STPG2: variants seen among roughly 807,000 people sequenced by gnomAD.
The protein encoded by STPG2 is sperm-tail PG-rich repeat-containing protein 2.
A neutral mutation model predicts 54.2 loss-of-function variants in STPG2; 56 were observed. The ratio of observed to expected loss-of-function variants is 1.03; its 90% CI spans 0.83 to 1.29. The LOEUF (loss-of-function observed/expected upper bound fraction) is 1.29. Ranked by LOEUF, STPG2 falls within the 50% of genes most tolerant of loss-of-function variation. STPG2 has a pLI of 0.00. For missense variants in STPG2, 596 were observed against 544.9 expected (o/e 1.09, Z -0.93); for synonymous variants, 200 against 181.8 (o/e 1.10, Z -0.81).
intron 9 of STPG2, among the ~76,000 whole-genome samples, chr4:97,727,256 C>G (rs75174850): frequency 0.013 from 1,899 of 151,810 alleles, 34 homozygotes; most frequent in African/African-American, 0.044. Flanking sequence ...TCTCATGATT[C>G]CATATTAGTT....
intron 4 of STPG2, among the ~76,000 whole-genome samples, chr4:97,493,224 C>A (rs555001482): frequency 6.6e-6 from 1 of 150,904 alleles, no homozygotes; most frequent in African/African-American, 2.4e-5. Context: ...ACTGGTAAGA[C>A]CCTGAGGAAA....
At chr4:97,951,790 G>T (rs185990688) in intron 7 of STPG2, among the ~76,000 whole-genome samples, 1 of 152,076 alleles carries the variant, frequency 6.6e-6, no homozygotes, top group Non-Finnish European at 1.5e-5. Flanking sequence ...TATTTACTGG[G>T]TTGAACAACT....
chr4:98,001,079 G>A (rs1414308711), intron 5 of STPG2, among the ~76,000 whole-genome samples: 5 of 152,108 alleles, frequency 3.3e-5, no homozygotes, highest in African/African-American at 1.2e-4. Flanking sequence ...TACATCTGCT[G>A]AGTAACAATT....
chr4:97,807,280 T>C (rs1222499403), intron 9 of STPG2, among the ~76,000 whole-genome samples: 1 of 151,974 alleles, frequency 6.6e-6, no homozygotes, highest in Non-Finnish European at 1.5e-5. Context: ...AATTTGTTTA[T>C]GCATTTTTAA....
chr4:97,826,576 C>T (rs781093206), intron 9 of STPG2, among the ~76,000 whole-genome samples: 10 of 152,078 alleles, frequency 6.6e-5, no homozygotes, highest in Non-Finnish European at 1.0e-4. Context: ...ACCTTATGGT[C>T]AAACTGATTA....
At chr4:97,673,487 A>T (rs1578470018) in intron 10 of STPG2, among the ~76,000 whole-genome samples, 1 of 152,218 alleles carries the variant, frequency 6.6e-6, no homozygotes, top group African/African-American at 2.4e-5. Flanking sequence ...TAACCAATGT[A>T]TAAGTATTTG....
chr4:97,650,574 T>TA, intron 10 of STPG2, among the ~76,000 whole-genome samples: 1 of 152,198 alleles, frequency 6.6e-6, no homozygotes, highest in Admixed American at 6.5e-5. Flanking sequence ...CTGGGATCAA[T>TA]AAAAAGGAAA....
chr4:97,745,891 TAAAG>T (rs1725407986), intron 9 of STPG2, among the ~76,000 whole-genome samples: 1 of 151,238 alleles, frequency 6.6e-6, no homozygotes, highest in South Asian at 2.1e-4. Flanking sequence ...TGTAGAAAAA[TAAAG>T]AGTTAATCTT....
At chr4:98,094,138 T>C (rs1216055225) in intron 5 of STPG2, among the ~76,000 whole-genome samples, 1 of 152,116 alleles carries the variant, frequency 6.6e-6, no homozygotes, top group Non-Finnish European at 1.5e-5. Flanking sequence ...CTTATAGCAA[T>C]GAAAGTGACT....
chr4:97,882,767 G>A (rs1730425690), intron 8 of STPG2, among the ~76,000 whole-genome samples: 1 of 151,958 alleles, frequency 6.6e-6, no homozygotes, highest in African/African-American at 2.4e-5. Context: ...AACAAGCCAA[G>A]CCTCCAAACC....
At chr4:97,847,401 T>G (rs1728987574) in intron 8 of STPG2, among the ~76,000 whole-genome samples, 1 of 152,120 alleles carries the variant, frequency 6.6e-6, no homozygotes, top group Non-Finnish European at 1.5e-5. Context: ...AGATATAAAA[T>G]TATAGTATTA....
At chr4:97,702,984 G>T (rs1039417335) in intron 10 of STPG2, among the ~76,000 whole-genome samples, 1 of 152,090 alleles carries the variant, frequency 6.6e-6, no homozygotes, top group East Asian at 1.9e-4. Flanking sequence ...TGCTTCTGAG[G>T]CTGGGAGTTA....
intron 9 of STPG2, among the ~76,000 whole-genome samples, chr4:97,728,483 T>C (rs1055359340): frequency 1.3e-5 from 2 of 152,096 alleles, no homozygotes; most frequent in African/African-American, 4.8e-5. Flanking sequence ...GAAATCTATA[T>C]GCAGAATTAT....
chr4:98,126,864 G>A (rs6532721), intron 3 of STPG2, among the ~76,000 whole-genome samples: 60,050 of 151,752 alleles, frequency 0.4, 12,121 homozygotes, highest in Middle Eastern at 0.46. Context: ...AACACCTGCA[G>A]GATCTGAGTG....
chr4:98,008,968 C>A (rs1735657347), intron 5 of STPG2, among the ~76,000 whole-genome samples: 2 of 151,836 alleles, frequency 1.3e-5, no homozygotes, highest in Admixed American at 6.6e-5. Flanking sequence ...CTTTGAATTT[C>A]TATGGTATCA....
intron 9 of STPG2, among the ~76,000 whole-genome samples, chr4:97,830,282 T>C (rs1485297617): frequency 6.6e-6 from 1 of 152,156 alleles, no homozygotes; most frequent in Admixed American, 6.6e-5. Flanking sequence ...CTAAGTTTCA[T>C]AAGCAAAAGA....
rs1010080802 is a variant in STPG2 at position 97,810,710 on chromosome 4, T to C, written c.1204+30063A>G. ...ATAAAGTGTAATAGGAAAGCAAACA[T>C]GCATCTCATAATGACAATATACTGG... On this transcript the variant is annotated intron_variant, in intron 9 of 10. Transcript: ENST00000295268. Among the ~76,000 whole-genome samples, 4 of 152,072 alleles carry C rather than the reference T, an allele frequency of 2.6e-5. 1 individual carries two copies. The highest frequency in any genetic ancestry group is 4.4e-5 in the Non-Finnish European group (3 of 68,010).
chr4:97,670,753 G>C (rs1722670833), intron 10 of STPG2, among the ~76,000 whole-genome samples: 1 of 152,164 alleles, frequency 6.6e-6, no homozygotes, highest in Non-Finnish European at 1.5e-5. Flanking sequence ...AGATAGCTTA[G>C]ATTGGGATAT....
At chr4:97,736,394 A>G (rs1724994023) in intron 9 of STPG2, among the ~76,000 whole-genome samples, 1 of 152,186 alleles carries the variant, frequency 6.6e-6, no homozygotes, top group African/African-American at 2.4e-5. Context: ...CGCGAGTCGA[A>G]GCAGGGCGAG....
Sources: gnomAD v4.1 joint callset for allele counts (sites outside exome capture counted in the v4.1 genomes callset) on GRCh38, gnomAD v4.1.1 for gene constraint, MANE v1.5 for transcripts, NCBI Gene and HGNC (gene_info 2026-07-23, HGNC 2026-07-21) for gene names.